Variants in TPR observed in about 807,000 individuals in gnomAD.
TPR encodes the protein nucleoprotein TPR.
Under a neutral mutation model 316.1 loss-of-function variants are expected in TPR, and 51 were observed. That is an observed-to-expected ratio of 0.16 (90% CI 0.13 to 0.20). The LOEUF is 0.20. Ranked by LOEUF, TPR falls within the 10% of genes least tolerant of loss-of-function variation. The pLI, the probability that TPR is intolerant of heterozygous loss-of-function variation, is 1.00. For missense variants in TPR, 2,272 were observed against 2,754.8 expected (o/e 0.82, Z 3.92); for synonymous variants, 981 against 914.7 (o/e 1.07, Z -1.31).
intron 4 of TPR, among the ~76,000 whole-genome samples, 180 bp downstream of exon 4, chr1:186,367,705 CT>C (rs1298646153): frequency 6.6e-6 from 1 of 152,176 alleles, no homozygotes; most frequent in African/African-American, 2.4e-5. Flanking sequence ...CTAGACACTT[CT>C]TTAAACACTT....
Position 186,339,682 on chromosome 1 carries a change from A to G in TPR, c.4111T>C (p.Leu1371=). 6.3e-7 allele frequency: 1 copy of G among 1,593,158 alleles called. No individual in the cohort carries two copies. Among genetic ancestry groups the G allele is most frequent in the South Asian group, 1.1e-5 (1 of 87,256 alleles). Reference sequence around the variant, plus strand: ...TTAAGTCTACCAATTTCTTCTGTCAATTGTTGAATACGCTTAGTATGAACT... The same window carrying G: ...TTAAGTCTACCAATTTCTTCTGTCAGTTGTTGAATACGCTTAGTATGAACT... ...KEVHTKRIQQ[L]TEEIGRLKAE... is the part of the protein sequence containing the mutation. The change falls in exon 30 of 51, where the codon TTG becomes CTG. Residue 1371 remains leucine (L), a synonymous_variant. Coordinates refer to ENST00000367478, the MANE Select transcript of TPR (RefSeq NM_003292.3).
rs145617217 is a variant in TPR at position 186,365,774 on chromosome 1, CCAAT to C, written c.427+2108_427+2111del. Reference sequence around the variant, plus strand: ...TGATGTCACAAAATTTGTAACAGAGCCAATCAAAGAAATCATGAAAGAGATTGTG... The same window carrying C: ...TGATGTCACAAAATTTGTAACAGAGCCAAAGAAATCATGAAAGAGATTGTG... On this transcript the variant is annotated intron_variant, in intron 4 of 50. Transcript: ENST00000367478. 4.6e-3 allele frequency among the ~76,000 whole-genome samples: 703 copies of C among 152,152 alleles called. 7 individuals are homozygous for C. The highest frequency in any genetic ancestry group is 0.016 in the African/African-American group (662 of 41,496).
chr1:186,318,296 C>A, intron 48 of TPR, 151 bp downstream of exon 48: 2 of 1,023,206 alleles, frequency 2.0e-6, no homozygotes, highest in Non-Finnish European at 2.8e-6. Context: ...CCACTGCACT[C>A]CAGCATGGGC....
Position 186,359,839 on chromosome 1 carries a change from G to A in TPR, c.1349C>T (p.Ala450Val), listed in dbSNP as rs772959432. The change falls in exon 12 of 51, where the codon GCT becomes GTT. Residue 450 changes from alanine (A) to valine (V), a missense_variant. Ala to Val is a moderately conservative substitution (Grantham distance 64). Around this residue, in one of 10 missense-constraint regions of TPR, gnomAD observed 549 missense variants for 598.6 expected, o/e 0.92. Transcript: ENST00000367478. ...AAGCTTAACAGATAAACTTGCTACA[G>A]CTTTCTGTGCACGTTCATATTCCTC... is the stretch of plus-strand genomic sequence containing the variant. ...QREEYERAQK[A>V]VASLSVKLEQ... The A allele has an allele frequency of 1.9e-6, 3 of 1,589,738 alleles. No homozygotes were observed. Among genetic ancestry groups the A allele is most frequent in the African/African-American group, 2.7e-5 (2 of 72,850 alleles).
intron 18 of TPR, 46 bp downstream of exon 18, chr1:186,353,642 C>A: frequency 6.3e-7 from 1 of 1,581,174 alleles, no homozygotes; most frequent in South Asian, 1.2e-5. Flanking sequence ...AAAGAAATGT[C>A]AAATGCAACT....
Position 186,362,872 on chromosome 1 carries a change from C to T in TPR, c.661G>A (p.Glu221Lys), listed in dbSNP as rs1211326177. The T allele has an allele frequency of 1.2e-6, 2 of 1,604,638 alleles. No homozygotes were observed. Among genetic ancestry groups the T allele is most frequent in the Non-Finnish European group, 1.7e-6 (2 of 1,177,426 alleles). Reference sequence around the variant, plus strand: ...TTATTTTCAAGATTACATTTAAGCTCTAGAATCTCATTCCCTTTTTCTCTT... The same window carrying T: ...TTATTTTCAAGATTACATTTAAGCTTTAGAATCTCATTCCCTTTTTCTCTT... ...LGREKGNEIL[E>K]LKCNLENKKE... The change falls in exon 6 of 51, where the codon GAG becomes AAG. Residue 221 changes from glutamate to lysine, a missense_variant. Glu to Lys is a moderately conservative substitution (Grantham distance 56). Transcript: ENST00000367478.
At chr1:186,326,448 C>T (rs558441908) in intron 40 of TPR, among the ~76,000 whole-genome samples, 1 of 152,200 alleles carries the variant, frequency 6.6e-6, no homozygotes, top group Admixed American at 6.5e-5. Flanking sequence ...TGAATTCTAA[C>T]TGTTTGCATG....
chr1:186,365,913 ATGAG>A (rs951572486), intron 4 of TPR, among the ~76,000 whole-genome samples: 3 of 152,252 alleles, frequency 2.0e-5, no homozygotes, highest in Non-Finnish European at 2.9e-5. Context: ...CTGGATGGAG[ATGAG>A]TGCTTCCAAA....
At chr1:186,360,232 C>G (rs1482983776) in intron 11 of TPR, 41 bp downstream of exon 11, 1 of 1,584,864 alleles carries the variant, frequency 6.3e-7, no homozygotes, top group Admixed American at 1.8e-5. Context: ...TATACATTTG[C>G]TGAAGAAAAA....
chr1:186,325,433 G>C (rs1657894701), intron 42 of TPR: 1 of 180,984 alleles, frequency 5.5e-6, no homozygotes, highest in African/African-American at 2.4e-5. Context: ...TGATTAGACT[G>C]ACCTCCTCTG....
intron 36 of TPR, 128 bp downstream of exon 36, chr1:186,334,197 A>T: frequency 1.0e-6 from 1 of 990,176 alleles, no homozygotes; most frequent in Non-Finnish European, 1.4e-6. Context: ...TTCAAATATT[A>T]AACACCCATT....
At chr1:186,334,034 G>A (rs970576911) in intron 36 of TPR, among the ~76,000 whole-genome samples, 2 of 152,144 alleles carry the variant, frequency 1.3e-5, no homozygotes, top group African/African-American at 4.8e-5. Flanking sequence ...TAACAAGAGT[G>A]TCATGGGAAA....
intron 48 of TPR, among the ~76,000 whole-genome samples, chr1:186,318,163 C>T (rs1247350588): frequency 6.6e-6 from 1 of 151,812 alleles, no homozygotes; most frequent in African/African-American, 2.4e-5. Context: ...AATTTCAGTA[C>T]AAAATGACTA....
chr1:186,318,551 T>C lies in TPR; in HGVS notation c.6717A>G (p.Gln2239=), dbSNP rs535444953. ...TGGATGTAGTCACCATTGGAACAGATTGAGAGGCATGTTCCGAAGCATCAG... is the reference window on the plus strand; with the variant it reads ...TGGATGTAGTCACCATTGGAACAGACTGAGAGGCATGTTCCGAAGCATCAG... ...TTSDASEHAS[Q]SVPMVTTSTG... is the part of the protein sequence containing the mutation. The change falls in exon 48 of 51, where the codon CAA becomes CAG. Residue 2239 remains glutamine (Q), a synonymous_variant. Coordinates refer to ENST00000367478, the MANE Select transcript of TPR (RefSeq NM_003292.3). 21 of 1,614,102 alleles carry C rather than the reference T, an allele frequency of 1.3e-5. No homozygotes were observed. The highest frequency in any genetic ancestry group is 1.7e-5 in the Non-Finnish European group (20 of 1,180,010).
chr1:186,355,151 T>C (rs1026868815), intron 17 of TPR, among the ~76,000 whole-genome samples: 5 of 152,124 alleles, frequency 3.3e-5, no homozygotes, highest in Admixed American at 3.3e-4. Flanking sequence ...ATGACCCACC[T>C]GCCTCGGCTT....
intron 40 of TPR, 51 bp from the exon 41 acceptor site, chr1:186,326,286 T>C (rs1196684383): frequency 1.9e-6 from 3 of 1,552,934 alleles, no homozygotes; most frequent in African/African-American, 1.4e-5. Context: ...ATGGCCCACA[T>C]GCTCTGCATG....
chr1:186,341,272 G>C lies in TPR; in HGVS notation c.3868C>G (p.Leu1290Val), dbSNP rs747689743. The C allele has an allele frequency of 6.2e-7, 1 of 1,613,906 alleles. No individual in the cohort carries two copies. Among genetic ancestry groups the C allele is most frequent in the Non-Finnish European group, 8.5e-7 (1 of 1,179,976 alleles). The change falls in exon 28 of 51, where the codon CTA becomes GTA. Residue 1290 changes from leucine to valine, a missense_variant. Transcript: ENST00000367478. ...CAAACCTTTGCTTGCATTTGCTGTA[G>C]ATCCTGTTCTAGTCTCTCCTTCTCT... ...REEKERLEQD[L>V]QQMQAKVRKL... is the part of the protein sequence containing the mutation.
At chr1:186,362,737 C>A (rs1457659517) in intron 6 of TPR, 100 bp downstream of exon 6, 2 of 1,078,028 alleles carry the variant, frequency 1.9e-6, no homozygotes, top group East Asian at 2.6e-5. Context: ...ACTCATCTTA[C>A]AACTAATCAG....
At position 186,313,843 on chromosome 1, in the gene TPR, A is replaced by G; in HGVS notation, c.*128T>C. 6.7e-7 allele frequency: 1 copy of G among 1,492,950 alleles called. No homozygotes were observed. Among genetic ancestry groups the G allele is most frequent in the South Asian group, 1.1e-5 (1 of 88,494 alleles). The allele number at this position is 1,492,950 out of a possible 1,614,324, so 92.5% of individuals were successfully genotyped here. A position where few individuals can be genotyped will look rare whatever the true frequency, so the allele number is the denominator to read the frequency against. ...ATAATAAATTTTGACACTGAAAAAC[A>G]TTTTATTAATAAAGAATATTGACAT... On this transcript the variant is annotated 3_prime_UTR_variant, in exon 51 of 51. Coordinates refer to ENST00000367478, the MANE Select transcript of TPR (RefSeq NM_003292.3).
Sources: gnomAD v4.1 joint callset for allele counts (sites outside exome capture counted in the v4.1 genomes callset) on GRCh38, gnomAD v4.1.1 for gene constraint, gnomAD v4.1.1 regional missense constraint, MANE v1.5 for transcripts, NCBI Gene and HGNC (gene_info 2026-07-23, HGNC 2026-07-21) for gene names.